The following GABRB1 variants were observed in gnomAD, a reference collection of about 807,000 sequenced individuals.
GABRB1 encodes gamma-aminobutyric acid receptor subunit beta-1.
In GABRB1, 17 loss-of-function variants were observed where a neutral mutation model predicts 51.6. The observed-to-expected ratio is 0.33, with a 90% CI of 0.23 to 0.49. The LOEUF (loss-of-function observed/expected upper bound fraction) is 0.49. GABRB1 is among the 20% of genes least tolerant of loss of function. The pLI, the probability that GABRB1 is intolerant of heterozygous loss-of-function variation, is 0.99. For synonymous variants in GABRB1, 247 were observed against 218.9 expected, an observed-to-expected ratio of 1.13 and a Z score of -1.14; for missense variants, 410 against 600.6, an observed-to-expected ratio of 0.68 and a Z score of 3.32.
Position 47,125,559 on chromosome 4 carries a change from C to CTT in GABRB1, c.241-35677_241-35676dup, listed in dbSNP as rs71195605. 8.7e-5 allele frequency among the ~76,000 whole-genome samples: 7 copies of CTT among 80,694 alleles called. 1 individual carries two copies. Among genetic ancestry groups the CTT allele is most frequent in the Non-Finnish European group, 1.2e-4 (5 of 40,786 alleles). 52.9% of individuals were successfully genotyped at this position (80,694 alleles called of 152,430 possible). Reference sequence around the variant, plus strand: ...CTCTAGACACAACAAAGTATAATTTCTTTTTTTTTTTTTTGAGACGGAGTC... The same window carrying CTT: ...CTCTAGACACAACAAAGTATAATTTCTTTTTTTTTTTTTTTTGAGACGGAGTC... On this transcript the variant is annotated intron_variant, in intron 3 of 8. Coordinates refer to ENST00000295454, the MANE Select transcript of GABRB1 (RefSeq NM_000812.4).
At chr4:47,167,600 T>A (rs1490043757) in intron 4 of GABRB1, among the ~76,000 whole-genome samples, 1 of 152,110 alleles carries the variant, frequency 6.6e-6, no homozygotes, top group East Asian at 1.9e-4. Flanking sequence ...TTTGAATGTT[T>A]GTTTCCTCCA....
intron 5 of GABRB1, among the ~76,000 whole-genome samples, chr4:47,355,431 G>A (rs1726530934): frequency 6.6e-6 from 1 of 152,056 alleles, no homozygotes; most frequent in African/African-American, 2.4e-5. Flanking sequence ...TGCCTTTCCA[G>A]ACCTTGATCA....
At chr4:47,188,499 A>G (rs1038202432) in intron 4 of GABRB1, among the ~76,000 whole-genome samples, 7 of 151,952 alleles carry the variant, frequency 4.6e-5, no homozygotes, top group Non-Finnish European at 7.4e-5. Context: ...TGTTTGTTAG[A>G]CTGCAATCAA....
At chr4:47,154,884 C>G (rs1717622104) in intron 3 of GABRB1, among the ~76,000 whole-genome samples, 1 of 152,082 alleles carries the variant, frequency 6.6e-6, no homozygotes, top group African/African-American at 2.4e-5. Flanking sequence ...TTTTGATTCA[C>G]AGTCTCTCCT....
At chr4:47,237,342 C>A (rs1365830022) in intron 4 of GABRB1, among the ~76,000 whole-genome samples, 1 of 151,786 alleles carries the variant, frequency 6.6e-6, no homozygotes, top group Non-Finnish European at 1.5e-5. Context: ...TTGAGAAAAA[C>A]CAGAGAAATA....
At chr4:47,147,802 G>A (rs1369693923) in intron 3 of GABRB1, among the ~76,000 whole-genome samples, 2 of 152,060 alleles carry the variant, frequency 1.3e-5, no homozygotes, top group Non-Finnish European at 2.9e-5. Context: ...GTATGTTGGA[G>A]GAACCAAGAC....
intron 4 of GABRB1, among the ~76,000 whole-genome samples, chr4:47,289,086 C>A (rs1723628622): frequency 6.6e-6 from 1 of 151,824 alleles, no homozygotes; most frequent in African/African-American, 2.4e-5. Flanking sequence ...GCCAGGGAGA[C>A]ATGCGTATCA....
chr4:47,004,528 T>TA (rs35197463), intron 1 of GABRB1, among the ~76,000 whole-genome samples: 22 of 151,516 alleles, frequency 1.5e-4, no homozygotes, highest in South Asian at 1.0e-3. Flanking sequence ...ATTAATACTT[T>TA]AAAAAAAAAG....
At chr4:47,090,766 G>A (rs753554422) in intron 3 of GABRB1, among the ~76,000 whole-genome samples, 42 of 152,182 alleles carry the variant, frequency 2.8e-4, no homozygotes, top group Non-Finnish European at 6.0e-4. Flanking sequence ...ATGGACCAGT[G>A]CAGCATAGAA....
intron 5 of GABRB1, among the ~76,000 whole-genome samples, chr4:47,373,861 A>C (rs1402842170): frequency 6.6e-6 from 1 of 152,194 alleles, no homozygotes; most frequent in Non-Finnish European, 1.5e-5. Context: ...AGGATGAACA[A>C]GGGGAGCTGT....
chr4:47,337,645 A>G (rs1451372265), intron 5 of GABRB1, among the ~76,000 whole-genome samples: 1 of 151,788 alleles, frequency 6.6e-6, no homozygotes, highest in Non-Finnish European at 1.5e-5. Context: ...CCCCGCCTCT[A>G]CTAAAAATAC....
chr4:47,222,716 A>G (rs1178171751), intron 4 of GABRB1, among the ~76,000 whole-genome samples: 1 of 152,152 alleles, frequency 6.6e-6, no homozygotes. Context: ...GCTGAGCCAC[A>G]GATTGTGAAC....
intron 3 of GABRB1, among the ~76,000 whole-genome samples, chr4:47,148,922 T>C (rs1251611689): frequency 6.6e-6 from 1 of 151,996 alleles, no homozygotes; most frequent in African/African-American, 2.4e-5. Context: ...AGATAAAAGC[T>C]ATGTCCTAGG....
At chr4:47,022,683 C>T (rs968839076) in intron 1 of GABRB1, among the ~76,000 whole-genome samples, 1 of 152,016 alleles carries the variant, frequency 6.6e-6, no homozygotes, top group Admixed American at 6.6e-5. Flanking sequence ...GAAAAGAGAA[C>T]ACTTGTACAC....
At chr4:47,098,925 T>A (rs1040917737) in intron 3 of GABRB1, among the ~76,000 whole-genome samples, 1 of 152,104 alleles carries the variant, frequency 6.6e-6, no homozygotes, top group African/African-American at 2.4e-5. Context: ...CTTTAGAAGA[T>A]CTTATTCCAT....
chr4:47,424,156 A>G (rs928087289), intron 8 of GABRB1, among the ~76,000 whole-genome samples: 1 of 152,228 alleles, frequency 6.6e-6, no homozygotes, highest in Non-Finnish European at 1.5e-5. Flanking sequence ...TAACAAATGC[A>G]TTACTGAGTT....
intron 4 of GABRB1, among the ~76,000 whole-genome samples, chr4:47,223,064 T>C (rs1309121445): frequency 1.3e-5 from 2 of 152,092 alleles, no homozygotes; most frequent in African/African-American, 2.4e-5. Flanking sequence ...GCAATATCCC[T>C]AAGGCAATAA....
chr4:47,001,270 G>C (rs1724173365), intron 1 of GABRB1, among the ~76,000 whole-genome samples: 1 of 152,038 alleles, frequency 6.6e-6, no homozygotes, highest in African/African-American at 2.4e-5. Flanking sequence ...AGCCTCCCGA[G>C]TAGCTGGGAC....
At chr4:47,008,342 C>T (rs1474802945) in intron 1 of GABRB1, among the ~76,000 whole-genome samples, 1 of 151,620 alleles carries the variant, frequency 6.6e-6, no homozygotes. Context: ...AAGACGTGGG[C>T]TAGATGAGAT....
Sources: gnomAD v4.1 joint callset for allele counts (sites outside exome capture counted in the v4.1 genomes callset) on GRCh38, gnomAD v4.1.1 for gene constraint, MANE v1.5 for transcripts, NCBI Gene and HGNC (gene_info 2026-07-23, HGNC 2026-07-21) for gene names.